TRAPPC12: variants seen among roughly 807,000 people sequenced by gnomAD.
The protein encoded by TRAPPC12 is trafficking protein particle complex subunit 12.
In TRAPPC12, 61 loss-of-function variants were observed where a neutral mutation model predicts 69.2. The ratio of observed to expected loss-of-function variants is 0.88; its 90% CI spans 0.72 to 1.09. The LOEUF (loss-of-function observed/expected upper bound fraction) is 1.09. Among genes scored for constraint, TRAPPC12 ranks in the 50% least tolerant of loss-of-function variants. The pLI is 0.00. For synonymous variants in TRAPPC12, 469 were observed against 438.9 expected, an observed-to-expected ratio of 1.07 and a Z score of -0.86; for missense variants, 1,101 against 1,016.4, an observed-to-expected ratio of 1.08 and a Z score of -1.13.
intron 5 of TRAPPC12, among the ~76,000 whole-genome samples, chr2:3,430,117 CT>C (rs148352712): frequency 0.017 from 2,649 of 152,138 alleles, 113 homozygotes; most frequent in East Asian, 0.17. Context: ...TCTTCATTTG[CT>C]TTTTTTTCCC....
At position 3,390,713 on chromosome 2, in the gene TRAPPC12, C is replaced by G. The variant is rs186636962; in HGVS notation, c.1047+2043C>G. 7.9e-5 allele frequency among the ~76,000 whole-genome samples: 12 copies of G among 152,308 alleles called. No individual in the cohort carries two copies. In the East Asian group the frequency reaches 2.1e-3, roughly 27 times the overall value. Reference sequence around the variant, plus strand: ...CCATGGAAAGTGCTACACCAAGAGTCTACCCTAATGTAAGCTGTAGACTTT... The same window carrying G: ...CCATGGAAAGTGCTACACCAAGAGTGTACCCTAATGTAAGCTGTAGACTTT... On this transcript the variant is annotated intron_variant, in intron 2 of 11. Coordinates refer to ENST00000324266, the MANE Select transcript of TRAPPC12 (RefSeq NM_016030.6).
At chr2:3,387,179 A>G (rs1645712364) in intron 1 of TRAPPC12, among the ~76,000 whole-genome samples, 1 of 152,190 alleles carries the variant, frequency 6.6e-6, no homozygotes, top group South Asian at 2.1e-4. Context: ...TATGCATACC[A>G]TGGAATATTT....
At chr2:3,457,285 C>CG in intron 6 of TRAPPC12, 2 of 398,348 alleles carry the variant, frequency 5.0e-6, no homozygotes, top group Non-Finnish European at 4.9e-6. Context: ...CAGAGACTAC[C>CG]AGTGGGGGGA....
intron 5 of TRAPPC12, among the ~76,000 whole-genome samples, chr2:3,431,761 T>C (rs750298974): frequency 3.9e-5 from 6 of 152,248 alleles, no homozygotes; most frequent in African/African-American, 7.2e-5. Flanking sequence ...TTTGTTACAA[T>C]TGATGAACCA....
At chr2:3,434,389 C>A (rs1277837058) in intron 5 of TRAPPC12, among the ~76,000 whole-genome samples, 3 of 152,176 alleles carry the variant, frequency 2.0e-5, no homozygotes, top group Non-Finnish European at 4.4e-5. Context: ...CTACATTTTT[C>A]TCTTTCATAT....
chr2:3,450,573 A>G (rs9309708), intron 6 of TRAPPC12, among the ~76,000 whole-genome samples: 22,048 of 152,062 alleles, frequency 0.14, 1,644 homozygotes, highest in Middle Eastern at 0.23. Flanking sequence ...CACGTCAGTG[A>G]CCTCGCATGG....
chr2:3,430,725 C>T (rs1663381778), intron 5 of TRAPPC12, among the ~76,000 whole-genome samples: 1 of 152,228 alleles, frequency 6.6e-6, no homozygotes, highest in African/African-American at 2.4e-5. Flanking sequence ...CTTCTTTATT[C>T]CACATACTGT....
In TRAPPC12 at chr2:3,450,501, C is replaced by T. The variant is rs553066389; in HGVS notation, c.1530+6610C>T. 5.3e-5 allele frequency among the ~76,000 whole-genome samples: 8 copies of T among 152,288 alleles called. No homozygotes were observed. In the East Asian group the frequency reaches 1.2e-3, roughly 22 times the overall value. On this transcript the variant is annotated intron_variant, in intron 6 of 11. Coordinates refer to ENST00000324266, the MANE Select transcript of TRAPPC12 (RefSeq NM_016030.6). ...CATGACCAGCCCTCCAGCCTGTGTCCGCTTCGGCCTTCTTTGTGCAAGTGA... is the reference window on the plus strand; with the variant it reads ...CATGACCAGCCCTCCAGCCTGTGTCTGCTTCGGCCTTCTTTGTGCAAGTGA...
At chr2:3,418,266 A>G (rs1029153861) in intron 3 of TRAPPC12, among the ~76,000 whole-genome samples, 1 of 150,098 alleles carries the variant, frequency 6.7e-6, no homozygotes, top group Admixed American at 6.6e-5. Context: ...ATAATCAGTC[A>G]TGAAAGAATA....
intron 6 of TRAPPC12, among the ~76,000 whole-genome samples, chr2:3,445,301 C>T (rs1326190817): frequency 6.6e-6 from 1 of 152,202 alleles, no homozygotes; most frequent in Non-Finnish European, 1.5e-5. Context: ...ATGAGAATCG[C>T]TTGAACCCAG....
intron 3 of TRAPPC12, among the ~76,000 whole-genome samples, chr2:3,409,853 A>T (rs1661957117): frequency 6.6e-6 from 1 of 151,326 alleles, no homozygotes. Flanking sequence ...TCTAAATTAG[A>T]GATGAAGGGG....
intron 5 of TRAPPC12, among the ~76,000 whole-genome samples, chr2:3,432,616 C>T (rs575434270): frequency 2.6e-5 from 4 of 152,340 alleles, no homozygotes; most frequent in Middle Eastern, 3.4e-3. Context: ...TGCATCAGAA[C>T]TCCCGAGCGT....
chr2:3,417,840 C>T (rs1024382959), intron 3 of TRAPPC12, among the ~76,000 whole-genome samples: 5 of 151,920 alleles, frequency 3.3e-5, no homozygotes, highest in Admixed American at 6.6e-5. Flanking sequence ...GTCAGGAGCT[C>T]GAGACCAGCC....
chr2:3,384,637 A>C (rs1234649460), intron 1 of TRAPPC12, among the ~76,000 whole-genome samples: 1 of 152,252 alleles, frequency 6.6e-6, no homozygotes, highest in Non-Finnish European at 1.5e-5. Flanking sequence ...TGAGTTTGGT[A>C]GAAAATAAAT....
intron 6 of TRAPPC12, chr2:3,457,051 T>G (rs1209084655): frequency 2.2e-6 from 1 of 460,932 alleles, no homozygotes; most frequent in Non-Finnish European, 4.4e-6. Context: ...ATGTTTACAG[T>G]GTGTCCCTGT....
chr2:3,458,422 T>C, intron 7 of TRAPPC12: 1 of 985,960 alleles, frequency 1.0e-6, no homozygotes, highest in Non-Finnish European at 1.2e-6. Context: ...CTACTCGATG[T>C]GCAGCCCAAG....
intron 4 of TRAPPC12, among the ~76,000 whole-genome samples, chr2:3,423,244 C>G (rs1028479115): frequency 2.6e-5 from 4 of 152,036 alleles, no homozygotes; most frequent in Non-Finnish European, 5.9e-5. Flanking sequence ...GTATGCAAAC[C>G]CTCAGACCAT....
At chr2:3,460,476 A>G in intron 8 of TRAPPC12, 140 bp downstream of exon 8, 1 of 613,824 alleles carries the variant, frequency 1.6e-6, no homozygotes. Context: ...CTTAACAGGG[A>G]GCCCAGTGAC....
At chr2:3,446,862 C>A (rs1033883656) in intron 6 of TRAPPC12, among the ~76,000 whole-genome samples, 4 of 152,190 alleles carry the variant, frequency 2.6e-5, no homozygotes, top group African/African-American at 9.7e-5. Flanking sequence ...TTCACCTGTT[C>A]CTTTTAGGTT....
Sources: gnomAD v4.1 joint callset for allele counts (sites outside exome capture counted in the v4.1 genomes callset) on GRCh38, gnomAD v4.1.1 for gene constraint, MANE v1.5 for transcripts, NCBI Gene and HGNC (gene_info 2026-07-23, HGNC 2026-07-21) for gene names.